The following NBEA variants were observed in gnomAD, a reference collection of about 807,000 sequenced individuals.
NBEA encodes neurobeachin, also known as lysosomal-trafficking regulator 2.
NBEA carries 44 observed loss-of-function variants against 343.4 expected under a neutral mutation model. That is an observed-to-expected ratio of 0.13 (90% confidence interval 0.10 to 0.16). NBEA has a LOEUF of 0.16. Ranked by LOEUF, NBEA falls within the 10% of genes least tolerant of loss-of-function variation. The pLI is 1.00. For missense variants in NBEA, 2,555 were observed against 3,631.3 expected, an observed-to-expected ratio of 0.70 and a Z score of 7.62; for synonymous variants, 1,175 against 1,238.7, an observed-to-expected ratio of 0.95 and a Z score of 1.08.
At chr13:35,142,837 G>C (rs534116929) in intron 18 of NBEA, among the ~76,000 whole-genome samples, 1 of 152,218 alleles carries the variant, frequency 6.6e-6, no homozygotes, top group African/African-American at 2.4e-5. Flanking sequence ...AGCATCTTTG[G>C]ATCTCATCAT....
chr13:35,091,788 TC>T (rs2065092688), intron 10 of NBEA, among the ~76,000 whole-genome samples: 1 of 151,944 alleles, frequency 6.6e-6, no homozygotes, highest in Admixed American at 6.6e-5. Context: ...ATGATAGCAA[TC>T]AAAGATCTGA....
At chr13:35,347,325 A>G (rs2039935932) in intron 36 of NBEA, among the ~76,000 whole-genome samples, 1 of 152,052 alleles carries the variant, frequency 6.6e-6, no homozygotes, top group South Asian at 2.1e-4. Context: ...AAAAGTTGAT[A>G]TATTTCATTA....
intron 39 of NBEA, among the ~76,000 whole-genome samples, chr13:35,445,357 G>C (rs977936726): frequency 6.6e-6 from 1 of 151,978 alleles, no homozygotes; most frequent in Non-Finnish European, 1.5e-5. Flanking sequence ...AGCTTACTAT[G>C]TAAATAATCT....
At chr13:34,989,372 T>C (rs117210565) in intron 1 of NBEA, among the ~76,000 whole-genome samples, 2,380 of 150,994 alleles carry the variant, frequency 0.016, 162 homozygotes, top group Non-Finnish European at 0.025. Flanking sequence ...TTTCACAGGG[T>C]GTACAGGAAG....
Position 35,173,659 on chromosome 13 carries a change from A to G in NBEA, c.4554+65A>G. 3 of 1,498,568 alleles carry G rather than the reference A, an allele frequency of 2.0e-6. No individual in the cohort carries two copies. The South Asian group carries it at 3.8e-5, about 19-fold the overall frequency. 92.8% of individuals were successfully genotyped at this position (1,498,568 alleles called of 1,614,324 possible). ...GAAAAAAATCTTTTTTAAGTTGATG[A>G]GAACAAAGTGCCATGGTATTGCTCA... is the stretch of plus-strand genomic sequence containing the variant. On this transcript the variant is annotated intron_variant, in intron 27 of 58. Coordinates refer to ENST00000379939, the MANE Select transcript of NBEA (RefSeq NM_001385012.1).
At chr13:35,652,239 G>A (rs34580999) in intron 53 of NBEA, among the ~76,000 whole-genome samples, 19,617 of 151,336 alleles carry the variant, frequency 0.13, 1,371 homozygotes, top group South Asian at 0.19. Flanking sequence ...AGAAATACCT[G>A]ATGTAAATGA....
chr13:35,503,013 A>C (rs1330627954), intron 41 of NBEA, among the ~76,000 whole-genome samples: 1 of 152,108 alleles, frequency 6.6e-6, no homozygotes, highest in African/African-American at 2.4e-5. Context: ...ACTTTTTTAA[A>C]TGATTGTCTT....
chr13:35,534,333 C>T (rs1351772716), intron 41 of NBEA, among the ~76,000 whole-genome samples: 4 of 152,182 alleles, frequency 2.6e-5, no homozygotes, highest in African/African-American at 9.6e-5. Flanking sequence ...CTACCTGCTG[C>T]AACTCTCTTA....
chr13:35,224,692 A>G (rs1025311621), intron 33 of NBEA, among the ~76,000 whole-genome samples: 12 of 152,084 alleles, frequency 7.9e-5, no homozygotes, highest in African/African-American at 2.4e-4. Flanking sequence ...TGACATGTTA[A>G]TCACAGTTAT....
chr13:35,164,303 G>A, intron 23 of NBEA, 53 bp from the exon 24 acceptor site: 3 of 1,464,094 alleles, frequency 2.0e-6, no homozygotes, highest in East Asian at 2.5e-5. Flanking sequence ...AATTGTCTAA[G>A]CTTTTCATTT....
intron 1 of NBEA, among the ~76,000 whole-genome samples, chr13:34,977,779 A>G (rs917525018): frequency 1.3e-5 from 2 of 152,066 alleles, no homozygotes; most frequent in African/African-American, 2.4e-5. Flanking sequence ...GCATTCAATC[A>G]CTATTTGTAG....
intron 47 of NBEA, among the ~76,000 whole-genome samples, chr13:35,596,478 C>A (rs1157821373): frequency 1.3e-5 from 2 of 152,022 alleles, no homozygotes; most frequent in African/African-American, 4.8e-5. Context: ...AACTAGGATG[C>A]AGTAGATGGT....
intron 40 of NBEA, among the ~76,000 whole-genome samples, chr13:35,464,669 T>C (rs1364795073): frequency 2.0e-5 from 3 of 152,206 alleles, no homozygotes; most frequent in African/African-American, 7.2e-5. Flanking sequence ...CAGAGTCTCA[T>C]TTTCTTATCT....
chr13:34,983,210 C>T (rs1455179698), intron 1 of NBEA, among the ~76,000 whole-genome samples: 1 of 152,076 alleles, frequency 6.6e-6, no homozygotes, highest in African/African-American at 2.4e-5. Flanking sequence ...TGTGATGTTC[C>T]CCGCCCTGTG....
At chr13:35,196,758 C>A (rs1393149799) in intron 31 of NBEA, among the ~76,000 whole-genome samples, 1 of 151,854 alleles carries the variant, frequency 6.6e-6, no homozygotes, top group African/African-American at 2.4e-5. Context: ...TAAATTTGAA[C>A]CTTAAATGGA....
chr13:35,180,032 C>T lies in NBEA; in HGVS notation c.4663-2328C>T, dbSNP rs921733885. Among the ~76,000 whole-genome samples the T allele has an allele frequency of 2.6e-5, 4 of 151,738 alleles. No individual in the cohort carries two copies. The South Asian group carries it at 6.2e-4, about 24-fold the overall frequency. ...TTTTGTGTATTTTGGTCATTTTCCC[C>T]ATTAGCCAGACTGTTTTACAATATT... On this transcript the variant is annotated intron_variant, in intron 28 of 58. Transcript: ENST00000379939.
At chr13:35,252,098 G>C (rs866031769) in intron 34 of NBEA, among the ~76,000 whole-genome samples, 2 of 152,212 alleles carry the variant, frequency 1.3e-5, no homozygotes, top group Admixed American at 6.5e-5. Context: ...CCCAAGACTG[G>C]GTAGTTCATA....
intron 52 of NBEA, 93 bp from the exon 53 acceptor site, chr13:35,651,712 A>G: frequency 2.6e-6 from 2 of 765,230 alleles, no homozygotes; most frequent in Non-Finnish European, 4.5e-6. Context: ...GCAAATATGC[A>G]TTTTGTAAAA....
intron 18 of NBEA, among the ~76,000 whole-genome samples, chr13:35,144,503 G>A (rs2068293423): frequency 6.6e-6 from 1 of 152,098 alleles, no homozygotes; most frequent in Non-Finnish European, 1.5e-5. Flanking sequence ...TCAGGGTCTT[G>A]TCAACCCCTA....
Sources: gnomAD v4.1 joint callset for allele counts (sites outside exome capture counted in the v4.1 genomes callset) on GRCh38, gnomAD v4.1.1 for gene constraint, MANE v1.5 for transcripts, NCBI Gene and HGNC (gene_info 2026-07-23, HGNC 2026-07-21) for gene names.